The following PDE3B variants were observed in gnomAD, a reference collection of about 807,000 sequenced individuals.
PDE3B encodes the protein phosphodiesterase 3B.
A neutral mutation model predicts 116.8 loss-of-function variants in PDE3B; 66 were observed. The observed-to-expected ratio is 0.56, with a 90% CI of 0.46 to 0.69. The LOEUF (loss-of-function observed/expected upper bound fraction) is 0.69, where lower values mean the gene tolerates loss of function less well. PDE3B is among the 30% of genes least tolerant of loss of function. The pLI is 0.00. For synonymous variants in PDE3B, 595 were observed against 533.6 expected (o/e 1.12, Z -1.59); for missense variants, 1,384 against 1,368.1 (o/e 1.01, Z -0.18).
chr11:14,678,630 A>T (rs903803023), intron 1 of PDE3B, among the ~76,000 whole-genome samples: 1 of 152,154 alleles, frequency 6.6e-6, no homozygotes, highest in Non-Finnish European at 1.5e-5. Context: ...TTTACATTAT[A>T]TATCATCTTT....
the PDE3B span, among the ~76,000 whole-genome samples, chr11:14,883,214 C>A: frequency 6.6e-6 from 1 of 151,370 alleles, no homozygotes. Flanking sequence ...AAAAAAGAGC[C>A]TGCATCGCCA....
intron 1 of PDE3B, among the ~76,000 whole-genome samples, chr11:14,660,538 T>C (rs1253899841): frequency 3.3e-5 from 5 of 151,972 alleles, no homozygotes; most frequent in Non-Finnish European, 7.4e-5. Context: ...TCCTGAGCTC[T>C]AGTCATCTGC....
chr11:14,846,626 A>G (rs551924841), intron 12 of PDE3B, among the ~76,000 whole-genome samples: 1 of 151,894 alleles, frequency 6.6e-6, no homozygotes, highest in East Asian at 1.9e-4. Flanking sequence ...ATAGGCTCAA[A>G]ATAAAAGGAT....
intron 1 of PDE3B, among the ~76,000 whole-genome samples, chr11:14,667,370 C>T (rs1216492804): frequency 2.0e-5 from 3 of 151,264 alleles, no homozygotes; most frequent in Middle Eastern, 3.4e-3. Flanking sequence ...ACCAGCATGG[C>T]ACATGTATAC....
chr11:14,717,646 C>T (rs1855947999), intron 1 of PDE3B, among the ~76,000 whole-genome samples: 1 of 116,984 alleles, frequency 8.5e-6, no homozygotes, highest in Non-Finnish European at 1.8e-5. Context: ...ATTTTCAACC[C>T]AGAATTTCAT....
intron 1 of PDE3B, among the ~76,000 whole-genome samples, chr11:14,724,383 C>T (rs1856218080): frequency 1.3e-5 from 2 of 152,106 alleles, no homozygotes; most frequent in Non-Finnish European, 2.9e-5. Flanking sequence ...TTTGAGACAT[C>T]CAAGTTTGGA....
In PDE3B at chr11:14,705,511, A is replaced by G. The variant is rs868389445; in HGVS notation, c.978+60458A>G. 3.4e-4 allele frequency among the ~76,000 whole-genome samples: 52 copies of G among 151,930 alleles called. 1 individual carries two copies. The highest frequency in any genetic ancestry group is 6.8e-3 in the Middle Eastern group (2 of 294). ...TAGGAGAGTTTGACTGCAGAGGCAC[A>G]TGAGGTATCTTTTGTTGGTGATGGA... On this transcript the variant is annotated intron_variant, in intron 1 of 15. Coordinates refer to ENST00000282096, the MANE Select transcript of PDE3B (RefSeq NM_000922.4).
rs185932739 is a variant in PDE3B, at chr11:14,854,049, G to A, written c.2521-4994G>A. 3.3e-4 allele frequency among the ~76,000 whole-genome samples: 51 copies of A among 152,334 alleles called. 1 individual carries two copies. In the East Asian group the frequency reaches 5.8e-3, roughly 17 times the overall value. On this transcript the variant is annotated intron_variant, in intron 12 of 15. Coordinates refer to ENST00000282096, the MANE Select transcript of PDE3B (RefSeq NM_000922.4). ...GTTATGAAGTTCATTACAACAGAGA[G>A]CAGTAAGAGGAGGATGGGTATTATC...
At chr11:14,890,369 G>T in the PDE3B span, 2 of 513,414 alleles carry the variant, frequency 3.9e-6, no homozygotes, top group Admixed American at 6.4e-5. Flanking sequence ...TGAAAATCAT[G>T]GGAATAAACT....
rs142163726 is a variant in PDE3B, at chr11:14,762,557, G to T, written c.979-9380G>T. ...AAAACCTTAGGCTTTTACTCAGGTT[G>T]AGATGAGAAGTCACTGGAGAGTGTT... is the stretch of plus-strand genomic sequence containing the variant. On this transcript the variant is annotated intron_variant, in intron 1 of 15. Coordinates refer to ENST00000282096, the MANE Select transcript of PDE3B (RefSeq NM_000922.4). Among the ~76,000 whole-genome samples the T allele has an allele frequency of 1.6e-3, 240 of 152,258 alleles. 1 individual carries two copies. Among genetic ancestry groups the T allele is most frequent in the African/African-American group, 5.3e-3 (220 of 41,556 alleles).
At chr11:14,784,303 CCTT>C (rs1433734352) in intron 2 of PDE3B, among the ~76,000 whole-genome samples, 1 of 152,172 alleles carries the variant, frequency 6.6e-6, no homozygotes, top group South Asian at 2.1e-4. Flanking sequence ...AATAGACTAT[CCTT>C]CTTGTGAGTT....
At chr11:14,774,842 T>C (rs1163924392) in intron 2 of PDE3B, 1 of 152,226 alleles carries the variant, frequency 6.6e-6, no homozygotes, top group Non-Finnish European at 1.5e-5. Context: ...TTCCCTCCCT[T>C]ACTCTCTTGT....
At chr11:14,774,286 C>T (rs1224774596) in intron 2 of PDE3B, 1 of 152,168 alleles carries the variant, frequency 6.6e-6, no homozygotes, top group East Asian at 1.9e-4. Flanking sequence ...TTAGGCAAGC[C>T]TCTTAAGACA....
chr11:14,887,017 C>T, the PDE3B span: 1 of 152,186 alleles, frequency 6.6e-6, no homozygotes, highest in Non-Finnish European at 1.5e-5. Flanking sequence ...GGACTGCCTG[C>T]CATAAGCAGT....
chr11:14,822,142 A>T (rs979966773), intron 7 of PDE3B, among the ~76,000 whole-genome samples: 1 of 152,046 alleles, frequency 6.6e-6, no homozygotes, highest in African/African-American at 2.4e-5. Context: ...GCTTCAAGTG[A>T]TCCTCCCGCC....
intron 1 of PDE3B, among the ~76,000 whole-genome samples, chr11:14,696,585 T>C (rs910430647): frequency 1.4e-4 from 21 of 152,312 alleles, no homozygotes; most frequent in African/African-American, 5.0e-4. Flanking sequence ...CATTTGGATA[T>C]TGATATTCTC....
intron 1 of PDE3B, among the ~76,000 whole-genome samples, chr11:14,652,450 T>C (rs759741962): frequency 2.6e-5 from 4 of 152,232 alleles, no homozygotes; most frequent in African/African-American, 4.8e-5. Flanking sequence ...AAGATTATTT[T>C]GGCTATTTGA....
chr11:14,721,964 A>G (rs1477937302), intron 1 of PDE3B, among the ~76,000 whole-genome samples: 6 of 151,226 alleles, frequency 4.0e-5, no homozygotes, highest in Non-Finnish European at 8.8e-5. Context: ...CATATACACC[A>G]TGGAATACTG....
chr11:14,723,826 A>T (rs1225116245), intron 1 of PDE3B, among the ~76,000 whole-genome samples: 1 of 152,166 alleles, frequency 6.6e-6, no homozygotes, highest in Non-Finnish European at 1.5e-5. Flanking sequence ...TATGCTTACA[A>T]ACTGAAAGAA....
Sources: allele counts gnomAD v4.1 joint callset (sites outside exome capture counted in the v4.1 genomes callset), GRCh38; gene constraint gnomAD v4.1.1; transcripts MANE v1.5; gene names NCBI Gene and HGNC (gene_info 2026-07-23, HGNC 2026-07-21).